The following GABRG3 variants were observed in gnomAD, a reference collection of about 807,000 sequenced individuals.
GABRG3 encodes gamma-aminobutyric acid type A receptor subunit gamma3, also known as gamma-aminobutyric acid receptor subunit gamma-3.
A neutral mutation model predicts 48.8 loss-of-function variants in GABRG3; 25 were observed. The observed-to-expected ratio is 0.51, with a 90% CI of 0.37 to 0.72. The LOEUF is 0.72. Among genes scored for constraint, GABRG3 ranks in the 30% least tolerant of loss-of-function variants. GABRG3 has a pLI of 0.00. For synonymous variants in GABRG3, 227 were observed against 217.6 expected, an observed-to-expected ratio of 1.04 and a Z score of -0.38; for missense variants, 394 against 577.9, an observed-to-expected ratio of 0.68 and a Z score of 3.26.
intron 5 of GABRG3, among the ~76,000 whole-genome samples, chr15:27,404,680 T>C (rs527823138): frequency 6.6e-5 from 10 of 152,310 alleles, no homozygotes; most frequent in Admixed American, 5.2e-4. Flanking sequence ...CTTCAGGATG[T>C]TGGATCTCCC....
intron 3 of GABRG3, chr15:27,208,045 C>G (rs1017370817): frequency 1.3e-5 from 2 of 156,174 alleles, no homozygotes; most frequent in Non-Finnish European, 2.8e-5. Context: ...CAACCAGGGC[C>G]TCTCCCACTG....
intron 3 of GABRG3, among the ~76,000 whole-genome samples, chr15:27,276,887 A>G (rs114248683): frequency 3.0e-4 from 46 of 152,344 alleles, no homozygotes; most frequent in African/African-American, 1.1e-3. Flanking sequence ...ATGTTTTATG[A>G]GGGTAGTACA....
chr15:27,035,346 G>A (rs1295302088), intron 3 of GABRG3, among the ~76,000 whole-genome samples: 3 of 152,108 alleles, frequency 2.0e-5, no homozygotes, highest in East Asian at 1.9e-4. Context: ...CTGAGATGTC[G>A]GTAATCATGA....
At chr15:27,142,664 TA>T (rs1385048835) in intron 3 of GABRG3, among the ~76,000 whole-genome samples, 1 of 152,086 alleles carries the variant, frequency 6.6e-6, no homozygotes, top group Non-Finnish European at 1.5e-5. Context: ...TGGTCAAATT[TA>T]AATGGCAGTG....
intron 5 of GABRG3, among the ~76,000 whole-genome samples, chr15:27,472,100 C>G (rs907434349): frequency 6.6e-6 from 1 of 152,240 alleles, no homozygotes; most frequent in Non-Finnish European, 1.5e-5. Context: ...TGTGTCTTTA[C>G]ATTTTTTTAA....
At chr15:27,259,268 GT>G (rs1283446242) in intron 3 of GABRG3, among the ~76,000 whole-genome samples, 2 of 152,120 alleles carry the variant, frequency 1.3e-5, no homozygotes, top group Non-Finnish European at 2.9e-5. Context: ...GCTGGGTCAT[GT>G]GGTGACTACT....
intron 3 of GABRG3, among the ~76,000 whole-genome samples, chr15:27,142,342 G>A (rs1595548211): frequency 6.6e-6 from 1 of 152,188 alleles, no homozygotes; most frequent in South Asian, 2.1e-4. Flanking sequence ...GGCTGGGTAA[G>A]CCTCACAATC....
intron 5 of GABRG3, among the ~76,000 whole-genome samples, chr15:27,467,988 C>T (rs77698412): frequency 0.018 from 2,758 of 152,278 alleles, 56 homozygotes; most frequent in Middle Eastern, 0.085. Context: ...GGATGCAAAT[C>T]GTCCCCTTCT....
At chr15:27,493,579 T>C (rs889666951) in intron 6 of GABRG3, among the ~76,000 whole-genome samples, 1 of 152,192 alleles carries the variant, frequency 6.6e-6, no homozygotes, top group Non-Finnish European at 1.5e-5. Flanking sequence ...TCAACAAATA[T>C]ATTATTTTCT....
At chr15:27,351,508 TG>T (rs1894591706) in intron 5 of GABRG3, among the ~76,000 whole-genome samples, 1 of 147,686 alleles carries the variant, frequency 6.8e-6, no homozygotes, top group African/African-American at 2.5e-5. Flanking sequence ...TGTGTTGGTA[TG>T]TGTGTATGGT....
chr15:27,455,407 A>T (rs538710228), intron 5 of GABRG3, among the ~76,000 whole-genome samples: 2 of 135,482 alleles, frequency 1.5e-5, no homozygotes, highest in Non-Finnish European at 1.6e-5. Context: ...TATGTGTGCT[A>T]TGTGTGTGTG....
intron 3 of GABRG3, among the ~76,000 whole-genome samples, chr15:27,266,736 G>A (rs770109550): frequency 6.6e-6 from 1 of 152,174 alleles, no homozygotes; most frequent in Admixed American, 6.5e-5. Flanking sequence ...ATGTACATAT[G>A]TTTTACATCT....
chr15:27,376,856 T>C (rs534686896), intron 5 of GABRG3, among the ~76,000 whole-genome samples: 1 of 152,356 alleles, frequency 6.6e-6, no homozygotes, highest in East Asian at 1.9e-4. Context: ...TCATTACTTA[T>C]GCAAATTTCT....
At chr15:27,175,019 A>T (rs1020356492) in intron 3 of GABRG3, among the ~76,000 whole-genome samples, 7 of 152,148 alleles carry the variant, frequency 4.6e-5, no homozygotes, top group Admixed American at 2.0e-4. Flanking sequence ...TTTAAAACCA[A>T]TCAGGACCAA....
intron 3 of GABRG3, among the ~76,000 whole-genome samples, chr15:27,154,170 C>T (rs114132501): frequency 2.0e-5 from 3 of 152,076 alleles, no homozygotes; most frequent in Non-Finnish European, 4.4e-5. Flanking sequence ...CAGCTGTAAA[C>T]TAATGTTATT....
rs1050555254 is a variant in GABRG3 at position 27,282,480 on chromosome 15, A to C, written c.271-44329A>C. On this transcript the variant is annotated intron_variant, in intron 3 of 9. Transcript: ENST00000615808. ...GTTTACTGATTGCTTCCTCTCTCGC[A>C]TCCATTCTTCTATTAAGCCCATTTA... Among the ~76,000 whole-genome samples, 3 of 152,144 alleles carry C rather than the reference A, an allele frequency of 2.0e-5. No homozygotes were observed. In the East Asian group the frequency reaches 5.8e-4, roughly 29 times the overall value.
intron 3 of GABRG3, among the ~76,000 whole-genome samples, chr15:27,093,798 T>G (rs1897231741): frequency 6.6e-6 from 1 of 152,114 alleles, no homozygotes; most frequent in Admixed American, 6.5e-5. Flanking sequence ...ATTGACACTA[T>G]TGCACCTTTT....
At chr15:27,417,664 A>G (rs764385038) in intron 5 of GABRG3, among the ~76,000 whole-genome samples, 1 of 152,080 alleles carries the variant, frequency 6.6e-6, no homozygotes, top group South Asian at 2.1e-4. Flanking sequence ...GGTTACTGCC[A>G]CTGTCTCTGA....
chr15:27,400,098 A>G (rs1887431391), intron 5 of GABRG3, among the ~76,000 whole-genome samples: 1 of 152,216 alleles, frequency 6.6e-6, no homozygotes, highest in Non-Finnish European at 1.5e-5. Flanking sequence ...GTCTGAAGCT[A>G]ATGCCTGATT....
Sources: gnomAD v4.1 joint callset for allele counts (sites outside exome capture counted in the v4.1 genomes callset) on GRCh38, gnomAD v4.1.1 for gene constraint, MANE v1.5 for transcripts, NCBI Gene and HGNC (gene_info 2026-07-23, HGNC 2026-07-21) for gene names.